Variants in CREB1 observed in about 807,000 individuals in gnomAD.
CREB1 encodes cAMP responsive element binding protein 1.
A neutral mutation model predicts 42.0 loss-of-function variants in CREB1; 2 were observed. That is an observed-to-expected ratio of 0.05 (90% confidence interval 0.02 to 0.15). CREB1 has a LOEUF of 0.15. Among genes scored for constraint, CREB1 ranks in the 10% least tolerant of loss-of-function variants. The probability of loss-of-function intolerance (pLI) is 1.00; values close to 1 mark genes in which losing one functional copy is unlikely to be tolerated. For synonymous variants in CREB1, 123 were observed against 139.9 expected (o/e 0.88, Z 0.85); for missense variants, 199 against 388.9 (o/e 0.51, Z 4.11).
At chr2:207,583,256 C>T (rs2083261103) in intron 7 of CREB1, among the ~76,000 whole-genome samples, 1 of 151,946 alleles carries the variant, frequency 6.6e-6, no homozygotes, top group African/African-American at 2.4e-5. Flanking sequence ...GGGACCAATC[C>T]CCCACAGATA....
rs2087522020 is a variant in CREB1, at chr2:207,603,646, A to G, written c.*6588A>G. On this transcript the variant is annotated 3_prime_UTR_variant, in exon 8 of 8. Transcript: ENST00000353267. The stretch of plus-strand genomic sequence containing the variant: ...TTTTCAATAAGATTGAACAGTGCCT[A>G]TTTGTGGATTTGGAGATGTTACTGT... Among the ~76,000 whole-genome samples the G allele has an allele frequency of 6.6e-6, 1 of 152,150 alleles. No homozygotes were observed. Among genetic ancestry groups the G allele is most frequent in the South Asian group, 2.1e-4 (1 of 4,834 alleles).
chr2:207,535,178 T>A lies in CREB1; in HGVS notation c.-9+5044T>A, dbSNP rs539635812. Among the ~76,000 whole-genome samples the A allele has an allele frequency of 3.9e-5, 6 of 152,328 alleles. No homozygotes were observed. The South Asian group carries it at 1.2e-3, about 32-fold the overall frequency. ...AAATAAATAGTTTGTGACAGGAAAT[T>A]GTTATTTAAAGTCCCTCATTTCCTG... is the stretch of plus-strand genomic sequence containing the variant. On this transcript the variant is annotated intron_variant, in intron 1 of 7. Transcript: ENST00000353267.
At chr2:207,568,029 G>C (rs1226508885) in intron 4 of CREB1, 1 of 152,338 alleles carries the variant, frequency 6.6e-6, no homozygotes, top group Non-Finnish European at 1.5e-5. Flanking sequence ...TTTGTGTTCA[G>C]TTATAGATGT....
intron 1 of CREB1, among the ~76,000 whole-genome samples, chr2:207,552,929 C>T (rs925385567): frequency 4.0e-5 from 6 of 151,374 alleles, no homozygotes; most frequent in African/African-American, 1.5e-4. Flanking sequence ...AATGTCTGCT[C>T]TTAATACTTT....
intron 7 of CREB1, among the ~76,000 whole-genome samples, chr2:207,590,816 T>C (rs1423384120): frequency 6.6e-6 from 1 of 152,224 alleles, no homozygotes; most frequent in African/African-American, 2.4e-5. Context: ...CAACCCTTGA[T>C]ATAAATAATT....
Position 207,602,014 on chromosome 2 carries a change from C to A in CREB1, c.*4956C>A, listed in dbSNP as rs2087142994. ...TTAATCTTTGAGGGGCTGAACATAT[C>A]ATGAAGCTGAGTCAGTATGGAAAAT... On this transcript the variant is annotated 3_prime_UTR_variant, in exon 8 of 8. Transcript: ENST00000353267. 4.9e-6 allele frequency: 1 copy of A among 206,154 alleles called. No homozygotes were observed. The highest frequency in any genetic ancestry group is 9.9e-6 in the Non-Finnish European group (1 of 101,030). 12.8% of individuals were successfully genotyped at this position (206,154 alleles called of 1,614,324 possible). A position where few individuals can be genotyped will look rare whatever the true frequency, so the allele number is the denominator to read the frequency against.
At chr2:207,595,287 C>T (rs1188644540) in intron 7 of CREB1, among the ~76,000 whole-genome samples, 1 of 152,092 alleles carries the variant, frequency 6.6e-6, no homozygotes, top group Non-Finnish European at 1.5e-5. Flanking sequence ...AGCCACCGCA[C>T]CCAGCCTATA....
At chr2:207,577,344 G>A (rs2082634525) in intron 6 of CREB1, 161 bp from the exon 7 acceptor site, 1 of 1,065,974 alleles carries the variant, frequency 9.4e-7, no homozygotes, top group Non-Finnish European at 1.3e-6. Context: ...TCTTAGTAGT[G>A]GCGCGAAGAG....
intron 3 of CREB1, among the ~76,000 whole-genome samples, chr2:207,563,561 A>G (rs909429972): frequency 6.6e-6 from 1 of 152,244 alleles, no homozygotes; most frequent in Non-Finnish European, 1.5e-5. Context: ...TGTTATCTAC[A>G]TGAAGTTTTC....
intron 4 of CREB1, among the ~76,000 whole-genome samples, chr2:207,569,877 A>T (rs2082288014): frequency 6.6e-6 from 1 of 151,898 alleles, no homozygotes; most frequent in Admixed American, 6.6e-5. Context: ...AACCCCATCT[A>T]CTAAAAATAC....
chr2:207,604,205 T>G lies in CREB1; in HGVS notation c.*7147T>G, dbSNP rs1440886225. Among the ~76,000 whole-genome samples, 1 of 152,218 alleles carries G rather than the reference T, an allele frequency of 6.6e-6. No homozygotes were observed. The highest frequency in any genetic ancestry group is 1.5e-5 in the Non-Finnish European group (1 of 68,034). On this transcript the variant is annotated 3_prime_UTR_variant, in exon 8 of 8. Transcript: ENST00000353267. ...CTTGTCATTTGACCAGGCACTGAAGTGACAAGACCATCCTTGAGAAGTCAC... is the reference window on the plus strand; with the variant it reads ...CTTGTCATTTGACCAGGCACTGAAGGGACAAGACCATCCTTGAGAAGTCAC...
rs546145116 is a variant in CREB1 at position 207,599,443 on chromosome 2, A to G, written c.*2385A>G. 9 of 199,124 alleles carry G rather than the reference A, an allele frequency of 4.5e-5. No homozygotes were observed. The highest frequency in any genetic ancestry group is 2.4e-4 in the East Asian group (3 of 12,764). The allele number at this position is 199,124 out of a possible 1,614,324, so 12.3% of individuals were successfully genotyped here. On this transcript the variant is annotated 3_prime_UTR_variant, in exon 8 of 8. Transcript: ENST00000353267. Reference sequence around the variant, plus strand: ...TTTTTTTCAAAAGTTCAGGCTTTCTACTTACTGGGAAGTTGGTGGTCCTCT... The same window carrying G: ...TTTTTTTCAAAAGTTCAGGCTTTCTGCTTACTGGGAAGTTGGTGGTCCTCT...
intron 1 of CREB1, among the ~76,000 whole-genome samples, chr2:207,538,588 AG>A (rs1005709624): frequency 6.6e-6 from 1 of 152,132 alleles, no homozygotes; most frequent in Non-Finnish European, 1.5e-5. Context: ...AAAAGGGGCG[AG>A]GTTTTGAGAG....
chr2:207,558,643 A>ATT (rs903929048), intron 2 of CREB1, among the ~76,000 whole-genome samples: 37 of 132,032 alleles, frequency 2.8e-4, no homozygotes, highest in African/African-American at 8.4e-4. Flanking sequence ...CACTAAAGTG[A>ATT]TTTTTTTTTT....
chr2:207,558,780 T>C (rs1381669360), intron 2 of CREB1, among the ~76,000 whole-genome samples: 1 of 152,072 alleles, frequency 6.6e-6, no homozygotes, highest in Admixed American at 6.6e-5. Context: ...TAGCTGGGAT[T>C]ACAGGCACCT....
At chr2:207,554,806 T>A (rs913497005) in intron 1 of CREB1, among the ~76,000 whole-genome samples, 1 of 152,230 alleles carries the variant, frequency 6.6e-6, no homozygotes, top group African/African-American at 2.4e-5. Flanking sequence ...TGTTGCATGC[T>A]ATACATGGGG....
In CREB1 at chr2:207,605,795, AGTT is replaced by A. The variant is rs2087991626; in HGVS notation, c.*8740_*8742del. On this transcript the variant is annotated 3_prime_UTR_variant, in exon 8 of 8. Transcript: ENST00000353267. Reference sequence around the variant, plus strand: ...AGAGGTTGGTAACTAGGTCTACACAAGTTGTATCTCCAGGATACTGAGAAGTAA... The same window carrying A: ...AGAGGTTGGTAACTAGGTCTACACAAGTATCTCCAGGATACTGAGAAGTAA... 6.6e-6 allele frequency among the ~76,000 whole-genome samples: 1 copy of A among 152,242 alleles called. No individual in the cohort carries two copies. Among genetic ancestry groups the A allele is most frequent in the South Asian group, 2.1e-4 (1 of 4,832 alleles).
In CREB1 at chr2:207,603,118, A is replaced by G. The variant is rs1216114529; in HGVS notation, c.*6060A>G. On this transcript the variant is annotated 3_prime_UTR_variant, in exon 8 of 8. Transcript: ENST00000353267. Reference sequence around the variant, plus strand: ...AATAAATAACTATAATGAGGGAAATACATTTCTAATAAAATTCCCTACATT... The same window carrying G: ...AATAAATAACTATAATGAGGGAAATGCATTTCTAATAAAATTCCCTACATT... 1.4e-5 allele frequency: 3 copies of G among 211,188 alleles called. No homozygotes were observed. The highest frequency in any genetic ancestry group is 2.9e-5 in the Non-Finnish European group (3 of 104,244). 13.1% of individuals were successfully genotyped at this position (211,188 alleles called of 1,614,324 possible).
rs1311590542 is a variant in CREB1 at position 207,600,274 on chromosome 2, ATAATC to A, written c.*3220_*3224del. On this transcript the variant is annotated 3_prime_UTR_variant, in exon 8 of 8. Transcript: ENST00000353267. ...ATATATATATATATACATACAGTAT[ATAATC>A]TAAAGCTCTGAGAGCTCTTAAGTCA... 10 of 170,236 alleles carry A rather than the reference ATAATC, an allele frequency of 5.9e-5. No homozygotes were observed. Among genetic ancestry groups the A allele is most frequent in the Middle Eastern group, 2.4e-3 (1 of 418 alleles). The allele number at this position is 170,236 out of a possible 1,614,324, so 10.5% of individuals were successfully genotyped here. A position where few individuals can be genotyped will look rare whatever the true frequency, so the allele number is the denominator to read the frequency against.
Sources: gnomAD v4.1 joint callset for allele counts (sites outside exome capture counted in the v4.1 genomes callset) on GRCh38, gnomAD v4.1.1 for gene constraint, MANE v1.5 for transcripts, NCBI Gene and HGNC (gene_info 2026-07-23, HGNC 2026-07-21) for gene names.